The following TENM3 variants were observed in gnomAD, a reference collection of about 807,000 sequenced individuals.
TENM3 encodes the protein teneurin-3.
In TENM3, 63 loss-of-function variants were observed where a neutral mutation model predicts 255.1. The observed-to-expected ratio is 0.25, with a 90% CI of 0.20 to 0.30. The LOEUF is 0.30. TENM3 is among the 10% of genes least tolerant of loss of function. The pLI is 1.00. For synonymous variants in TENM3, 1,306 were observed against 1,322.3 expected, an observed-to-expected ratio of 0.99 and a Z score of 0.27; for missense variants, 2,929 against 3,461.1, an observed-to-expected ratio of 0.85 and a Z score of 3.86.
intron 3 of TENM3, among the ~76,000 whole-genome samples, chr4:182,362,779 T>C (rs1351496460): frequency 3.3e-5 from 5 of 152,138 alleles, no homozygotes; most frequent in Non-Finnish European, 7.4e-5. Context: ...ACCTGGTACC[T>C]CAGATGGAAA....
intron 5 of TENM3, among the ~76,000 whole-genome samples, chr4:182,634,279 A>T (rs1237321314): frequency 1.3e-5 from 2 of 152,210 alleles, no homozygotes; most frequent in African/African-American, 4.8e-5. Flanking sequence ...TGGGGCTAGG[A>T]ACTATCATTT....
chr4:182,063,958 A>G, the TENM3 span, among the ~76,000 whole-genome samples: 1 of 152,146 alleles, frequency 6.6e-6, no homozygotes, highest in Non-Finnish European at 1.5e-5. Context: ...ATGCAGGAAC[A>G]GATGATATGG....
the TENM3 span, among the ~76,000 whole-genome samples, chr4:181,998,250 G>A: frequency 2.6e-3 from 389 of 152,250 alleles, 1 homozygote; most frequent in African/African-American, 9.1e-3. Context: ...AATTGAGTGT[G>A]ATTTGTTCTC....
intron 1 of TENM3, among the ~76,000 whole-genome samples, chr4:182,311,397 T>C (rs1762435265): frequency 6.6e-6 from 1 of 152,242 alleles, no homozygotes; most frequent in African/African-American, 2.4e-5. Flanking sequence ...GTTAAACTCA[T>C]TGCTGTCATC....
chr4:181,900,301 A>G, the TENM3 span, among the ~76,000 whole-genome samples: 3 of 152,242 alleles, frequency 2.0e-5, no homozygotes, highest in Non-Finnish European at 2.9e-5. Context: ...AAGTAAAAAT[A>G]TGTCATCTTT....
chr4:181,877,830 C>T, the TENM3 span, among the ~76,000 whole-genome samples: 1 of 152,140 alleles, frequency 6.6e-6, no homozygotes, highest in Non-Finnish European at 1.5e-5. Context: ...AAGAGGTTGT[C>T]AAATAGCCAC....
chr4:181,592,028 A>G, the TENM3 span, among the ~76,000 whole-genome samples: 1 of 152,134 alleles, frequency 6.6e-6, no homozygotes, highest in Non-Finnish European at 1.5e-5. Context: ...ACTAATCTTC[A>G]GTGACAGGAA....
chr4:181,506,708 CTAATCTTACACCGTGGTTCCAAAAG>C, the TENM3 span, among the ~76,000 whole-genome samples: 1 of 151,946 alleles, frequency 6.6e-6, no homozygotes, highest in Non-Finnish European at 1.5e-5. Context: ...GAGGACAACT[CTAATCTTACACCGTGGTTCCAAAAG>C]ACAGAATCAC....
intron 3 of TENM3, among the ~76,000 whole-genome samples, chr4:182,392,931 G>T (rs1178146159): frequency 6.6e-6 from 1 of 152,188 alleles, no homozygotes; most frequent in Non-Finnish European, 1.5e-5. Context: ...AATAACGATA[G>T]AAATTTATTT....
intron 1 of TENM3, among the ~76,000 whole-genome samples, chr4:182,289,546 T>G (rs73005410): frequency 3.3e-5 from 5 of 152,248 alleles, no homozygotes; most frequent in African/African-American, 4.8e-5. Context: ...AATAAATCTT[T>G]AACTAAATCT....
Position 182,300,184 on chromosome 4 carries a change from G to A in TENM3, c.-75-23762G>A, listed in dbSNP as rs1176178211. 3.3e-5 allele frequency among the ~76,000 whole-genome samples: 5 copies of A among 152,266 alleles called. No homozygotes were observed. The East Asian group carries it at 9.7e-4, about 30-fold the overall frequency. On this transcript the variant is annotated intron_variant, in intron 1 of 27. Transcript: ENST00000511685. The stretch of plus-strand genomic sequence containing the variant: ...AGGCCTCTGCCTCCCAAAGTGCTTG[G>A]ATTACAGGCGTGAGCCACCACGCCC...
intron 3 of TENM3, among the ~76,000 whole-genome samples, chr4:182,359,151 G>C (rs373464337): frequency 6.6e-6 from 1 of 152,120 alleles, no homozygotes; most frequent in South Asian, 2.1e-4. Flanking sequence ...TTGCATCAAT[G>C]TTCATCAAGG....
chr4:182,643,435 T>G lies in TENM3; in HGVS notation c.989-10336T>G, dbSNP rs191978376. On this transcript the variant is annotated intron_variant, in intron 5 of 27. Transcript: ENST00000511685. The stretch of plus-strand genomic sequence containing the variant: ...TGATGCCAGATATTTTTCCCTGTGC[T>G]CAATAATTTAGCCTAAATATTTGTA... Among the ~76,000 whole-genome samples, 56 of 152,364 alleles carry G rather than the reference T, an allele frequency of 3.7e-4. 1 individual carries two copies. The highest frequency in any genetic ancestry group is 6.8e-4 in the Non-Finnish European group (46 of 68,042).
the TENM3 span, among the ~76,000 whole-genome samples, chr4:182,014,427 C>T: frequency 1.3e-5 from 2 of 152,070 alleles, no homozygotes; most frequent in East Asian, 3.9e-4. Flanking sequence ...CCATCTCAGT[C>T]AATCAAAGCT....
At chr4:182,666,773 C>T (rs1287024158) in intron 6 of TENM3, among the ~76,000 whole-genome samples, 1 of 151,948 alleles carries the variant, frequency 6.6e-6, no homozygotes, top group East Asian at 1.9e-4. Context: ...GTGGTGTGCA[C>T]CTGTAGTCCC....
chr4:182,743,508 A>G (rs1211719439), intron 19 of TENM3, 89 bp downstream of exon 19: 2 of 1,418,138 alleles, frequency 1.4e-6, no homozygotes, highest in African/African-American at 1.4e-5. Context: ...ATTTATTCAT[A>G]GAAAAATACC....
At chr4:182,281,734 ATTTATTTAT>A (rs1333838787) in intron 1 of TENM3, among the ~76,000 whole-genome samples, 2 of 152,046 alleles carry the variant, frequency 1.3e-5, no homozygotes, top group East Asian at 1.9e-4. Context: ...CATTTTATTT[ATTTATTTAT>A]TTTATTTATT....
chr4:181,518,702 C>T, the TENM3 span, among the ~76,000 whole-genome samples: 3 of 152,232 alleles, frequency 2.0e-5, no homozygotes, highest in Non-Finnish European at 2.9e-5. Flanking sequence ...GTTGGGATTA[C>T]AGGCGTGAGC....
intron 3 of TENM3, among the ~76,000 whole-genome samples, chr4:182,390,311 G>T (rs532779676): frequency 1.3e-5 from 2 of 152,290 alleles, no homozygotes; most frequent in Admixed American, 6.5e-5. Context: ...TTTCCTCTGG[G>T]CTTTATCTGT....
Sources: allele counts gnomAD v4.1 joint callset (sites outside exome capture counted in the v4.1 genomes callset), GRCh38; gene constraint gnomAD v4.1.1; transcripts MANE v1.5; gene names NCBI Gene and HGNC (gene_info 2026-07-23, HGNC 2026-07-21).